TENM4: variants seen among roughly 807,000 people sequenced by gnomAD.
TENM4 encodes teneurin transmembrane protein 4.
A neutral mutation model predicts 243.3 loss-of-function variants in TENM4; 82 were observed. The ratio of observed to expected loss-of-function variants is 0.34; its 90% CI spans 0.28 to 0.40. The LOEUF is 0.40. Among genes scored for constraint, TENM4 ranks in the 10% least tolerant of loss-of-function variants. The probability of loss-of-function intolerance (pLI) is 1.00; values close to 1 mark genes in which losing one functional copy is unlikely to be tolerated. For synonymous variants in TENM4, 1,412 were observed against 1,456.3 expected, an observed-to-expected ratio of 0.97 and a Z score of 0.69; for missense variants, 3,138 against 3,673.3, an observed-to-expected ratio of 0.85 and a Z score of 3.77.
chr11:79,339,465 AG>A (rs1210130923), intron 1 of TENM4, among the ~76,000 whole-genome samples: 8 of 152,184 alleles, frequency 5.3e-5, no homozygotes, highest in African/African-American at 1.9e-4. Context: ...ACCAGAGCCA[AG>A]GTCAAGGGCG....
chr11:78,874,382 T>A (rs993210597), intron 9 of TENM4, among the ~76,000 whole-genome samples: 1 of 152,228 alleles, frequency 6.6e-6, no homozygotes, highest in Non-Finnish European at 1.5e-5. Flanking sequence ...TATTGCTTAA[T>A]AGTTAATGAA....
chr11:78,763,280 G>A (rs1856469557), intron 18 of TENM4, among the ~76,000 whole-genome samples: 1 of 152,184 alleles, frequency 6.6e-6, no homozygotes, highest in African/African-American at 2.4e-5. Flanking sequence ...GTGAAAAGAG[G>A]CAGAAGAAAA....
At chr11:79,362,593 C>T (rs1257233490) in intron 1 of TENM4, among the ~76,000 whole-genome samples, 2 of 152,216 alleles carry the variant, frequency 1.3e-5, no homozygotes, top group Non-Finnish European at 2.9e-5. Flanking sequence ...CTGAACAAAG[C>T]AATGCCTGGG....
At chr11:78,939,777 T>C (rs1479642187) in intron 6 of TENM4, among the ~76,000 whole-genome samples, 2 of 152,212 alleles carry the variant, frequency 1.3e-5, no homozygotes, top group African/African-American at 2.4e-5. Context: ...GTTATTGTTG[T>C]TAAAAACAAC....
At chr11:79,243,797 T>C (rs1034717782) in intron 2 of TENM4, among the ~76,000 whole-genome samples, 1 of 152,180 alleles carries the variant, frequency 6.6e-6, no homozygotes, top group Non-Finnish European at 1.5e-5. Context: ...AGATAAGTCA[T>C]GTGCCAGCCA....
At chr11:79,377,802 G>A (rs56708935) in intron 1 of TENM4, among the ~76,000 whole-genome samples, 3,442 of 152,248 alleles carry the variant, frequency 0.023, 132 homozygotes, top group African/African-American at 0.079. Flanking sequence ...CTAGAAAGTG[G>A]AGATGTGATT....
chr11:79,150,150 C>T (rs1862475907), intron 3 of TENM4, among the ~76,000 whole-genome samples: 1 of 152,094 alleles, frequency 6.6e-6, no homozygotes, highest in Non-Finnish European at 1.5e-5. Context: ...GCCTTCTTAT[C>T]ATCTTTCAAA....
At chr11:79,317,598 C>T (rs74897069) in intron 1 of TENM4, among the ~76,000 whole-genome samples, 398 of 152,122 alleles carry the variant, frequency 2.6e-3, no homozygotes, top group Non-Finnish European at 4.7e-3. Context: ...TTTCAGAGAT[C>T]GTAAAATGAA....
chr11:78,823,962 G>A (rs577193976), intron 12 of TENM4, among the ~76,000 whole-genome samples: 1 of 152,258 alleles, frequency 6.6e-6, no homozygotes, highest in South Asian at 2.1e-4. Context: ...TGTAGGAAGG[G>A]AAAGTGTTCT....
At chr11:78,670,629 G>A in intron 31 of TENM4, 78 bp from the exon 32 acceptor site, 1 of 1,381,500 alleles carries the variant, frequency 7.2e-7, no homozygotes, top group South Asian at 1.4e-5. Context: ...GAGACTTAAA[G>A]GGACGGAATG....
intron 6 of TENM4, among the ~76,000 whole-genome samples, chr11:79,050,227 G>A (rs2136934388): frequency 6.6e-6 from 1 of 152,266 alleles, no homozygotes; most frequent in East Asian, 1.9e-4. Flanking sequence ...GCAGACTCTT[G>A]AAGAGCTTTT....
chr11:79,438,842 C>G lies in TENM4; in HGVS notation c.-321+1667G>C, dbSNP rs1326480357. The G allele has an allele frequency of 2.0e-5, 3 of 152,202 alleles. No homozygotes were observed. Among genetic ancestry groups the G allele is most frequent in the Admixed American group, 1.3e-4 (2 of 15,274 alleles). 9.4% of individuals were successfully genotyped at this position (152,202 alleles called of 1,614,324 possible). The stretch of plus-strand genomic sequence containing the variant: ...GGATGCCCCCACTTAGTCCCTGCCT[C>G]GGTAACCGGTTCTTTGGGGACAGCA... On this transcript the variant is annotated intron_variant, in intron 1 of 33. Coordinates refer to ENST00000278550, the MANE Select transcript of TENM4 (RefSeq NM_001098816.3). This position sits in a 1 kb window ranked among gnomAD's most constrained non-coding sequence, Gnocchi z 4.1.
chr11:79,009,079 T>C lies in TENM4; in HGVS notation c.493+55659A>G, dbSNP rs375357283. Reference sequence around the variant, plus strand: ...TTCTTCTGTTCTATTGGAGTCTTAGTGCTTTCCTGTTTACTATACAAAGGG... The same window carrying C: ...TTCTTCTGTTCTATTGGAGTCTTAGCGCTTTCCTGTTTACTATACAAAGGG... On this transcript the variant is annotated intron_variant, in intron 6 of 33. Coordinates refer to ENST00000278550, the MANE Select transcript of TENM4 (RefSeq NM_001098816.3). 2.8e-4 allele frequency among the ~76,000 whole-genome samples: 42 copies of C among 152,338 alleles called. No individual in the cohort carries two copies. In the South Asian group the frequency reaches 8.1e-3, roughly 29 times the overall value.
chr11:78,766,026 C>G (rs969081223), intron 18 of TENM4, among the ~76,000 whole-genome samples: 4 of 151,990 alleles, frequency 2.6e-5, no homozygotes, highest in Non-Finnish European at 5.9e-5. Flanking sequence ...AAAATATTTA[C>G]AAATACATAT....
chr11:78,991,516 T>A (rs1858046443), intron 6 of TENM4, among the ~76,000 whole-genome samples: 2 of 152,222 alleles, frequency 1.3e-5, no homozygotes, highest in Non-Finnish European at 2.9e-5. Context: ...TTACCACAGT[T>A]AATAGGGTGG....
chr11:78,819,220 C>T (rs1023787192), intron 12 of TENM4, among the ~76,000 whole-genome samples: 7 of 152,150 alleles, frequency 4.6e-5, no homozygotes, highest in African/African-American at 1.4e-4. Flanking sequence ...CTGCGGTGCC[C>T]GTTTTGACTG....
At chr11:79,022,128 A>T (rs528339234) in intron 6 of TENM4, among the ~76,000 whole-genome samples, 9 of 152,330 alleles carry the variant, frequency 5.9e-5, no homozygotes, top group Non-Finnish European at 1.0e-4. Context: ...CCTCCACCAA[A>T]TAATCTGATG....
At chr11:79,435,622 C>T (rs763384142) in intron 1 of TENM4, among the ~76,000 whole-genome samples, 33 of 152,196 alleles carry the variant, frequency 2.2e-4, no homozygotes, top group Non-Finnish European at 4.1e-4. Context: ...GTTACTGGGA[C>T]AGGAACTACA....
At chr11:79,309,078 C>T (rs994149410) in intron 1 of TENM4, among the ~76,000 whole-genome samples, 7 of 152,012 alleles carry the variant, frequency 4.6e-5, no homozygotes, top group Non-Finnish European at 8.8e-5. Flanking sequence ...AGAACTCATG[C>T]CCTTCTGAAA....
Sources: allele counts gnomAD v4.1 joint callset (sites outside exome capture counted in the v4.1 genomes callset), GRCh38; gene constraint gnomAD v4.1.1; non-coding constraint Gnocchi (gnomAD v3.1); transcripts MANE v1.5; gene names NCBI Gene and HGNC (gene_info 2026-07-23, HGNC 2026-07-21).